The following CCDC170 variants were observed in gnomAD, a reference collection of about 807,000 sequenced individuals.
The protein encoded by CCDC170 is coiled-coil domain-containing protein 170.
Under a neutral mutation model 72.6 loss-of-function variants are expected in CCDC170, and 69 were observed. That is an observed-to-expected ratio of 0.95 (90% CI 0.78 to 1.16). The LOEUF (loss-of-function observed/expected upper bound fraction) is 1.16. CCDC170 is among the 50% of genes most tolerant of loss of function. The pLI, the probability that CCDC170 is intolerant of heterozygous loss-of-function variation, is 0.00. For missense variants in CCDC170, 852 were observed against 832.5 expected (o/e 1.02, Z -0.29); for synonymous variants, 300 against 303.9 (o/e 0.99, Z 0.13).
At chr6:151,545,786 C>A (rs1252879580) in intron 4 of CCDC170, among the ~76,000 whole-genome samples, 2 of 152,056 alleles carry the variant, frequency 1.3e-5, no homozygotes, top group African/African-American at 2.4e-5. Flanking sequence ...AGGCATGCAC[C>A]ACCATGTCTG....
At position 151,544,733 on chromosome 6, in the gene CCDC170, TA is replaced by T. The variant is rs778809218; in HGVS notation, c.588+22del. On this transcript the variant is annotated intron_variant, in intron 4 of 10. Transcript: ENST00000239374. Reference sequence around the variant, plus strand: ...ATTTTAAAGGTGTCTGTATGCAGATTAAAAAGTCTATAAATGTAGTGGTGAT... The same window carrying T: ...ATTTTAAAGGTGTCTGTATGCAGATTAAAAGTCTATAAATGTAGTGGTGAT... The T allele has an allele frequency of 1.8e-5, 28 of 1,596,074 alleles. No homozygotes were observed. The highest frequency in any genetic ancestry group is 2.3e-5 in the Non-Finnish European group (27 of 1,167,078).
chr6:151,506,454 A>T (rs1316482331), intron 1 of CCDC170, among the ~76,000 whole-genome samples: 2 of 152,258 alleles, frequency 1.3e-5, no homozygotes. Flanking sequence ...GCAGACTGAC[A>T]TTTACCTAAC....
At chr6:151,506,235 C>A (rs1782064748) in intron 1 of CCDC170, among the ~76,000 whole-genome samples, 1 of 152,146 alleles carries the variant, frequency 6.6e-6, no homozygotes. Context: ...AATGAATTGA[C>A]TTATTACGTG....
chr6:151,589,251 A>AAAAC lies in CCDC170; in HGVS notation c.1293+3188_1293+3191dup, dbSNP rs539350258. 6.2e-3 allele frequency among the ~76,000 whole-genome samples: 717 copies of AAAAC among 115,082 alleles called. 2 individuals are homozygous for AAAAC. Among genetic ancestry groups the AAAAC allele is most frequent in the African/African-American group, 0.01 (386 of 38,270 alleles). The allele number at this position is 115,082 out of a possible 152,430, so 75.5% of individuals were successfully genotyped here. On this transcript the variant is annotated intron_variant, in intron 7 of 10. Transcript: ENST00000239374. ...GCCTGGGTGACAGAGACTCCCTCTC[A>AAAAC]AAACAAACAAACAAACAAACAAACA...
intron 6 of CCDC170, 40 bp downstream of exon 6, chr6:151,573,531 G>A (rs917287990): frequency 1.9e-6 from 3 of 1,565,238 alleles, no homozygotes; most frequent in African/African-American, 2.7e-5. Context: ...CTTAAGAACA[G>A]TGAGCTCATT....
At chr6:151,591,099 AATATACACTT>A (rs1465673833) in intron 7 of CCDC170, among the ~76,000 whole-genome samples, 1 of 152,210 alleles carries the variant, frequency 6.6e-6, no homozygotes, top group African/African-American at 2.4e-5. Context: ...AAAATTGGAA[AATATACACTT>A]ATAAATAATT....
chr6:151,503,126 G>A (rs1277972836), intron 1 of CCDC170, among the ~76,000 whole-genome samples: 1 of 152,120 alleles, frequency 6.6e-6, no homozygotes, highest in Non-Finnish European at 1.5e-5. Flanking sequence ...GCAGTGAGCC[G>A]AGATCACGCC....
intron 1 of CCDC170, among the ~76,000 whole-genome samples, chr6:151,512,166 T>TG (rs1554219844): frequency 2.0e-5 from 3 of 149,464 alleles, no homozygotes; most frequent in African/African-American, 7.5e-5. Flanking sequence ...TTTTTTGTTT[T>TG]TTTTTTTTTT....
At chr6:151,553,665 A>G (rs1025706408) in intron 5 of CCDC170, among the ~76,000 whole-genome samples, 6 of 152,238 alleles carry the variant, frequency 3.9e-5, no homozygotes, top group Non-Finnish European at 5.9e-5. Context: ...GACTGATGCA[A>G]TGTTGTTCAG....
At chr6:151,554,847 C>T (rs926149270) in intron 5 of CCDC170, among the ~76,000 whole-genome samples, 2 of 148,586 alleles carry the variant, frequency 1.3e-5, no homozygotes, top group Non-Finnish European at 3.0e-5. Flanking sequence ...ATTGCAGGCA[C>T]GTAGCTTGAT....
chr6:151,523,039 G>C (rs1782347099), intron 1 of CCDC170, among the ~76,000 whole-genome samples: 1 of 152,182 alleles, frequency 6.6e-6, no homozygotes, highest in Non-Finnish European at 1.5e-5. Flanking sequence ...TCCAGTTACA[G>C]TAGAATTGTT....
intron 1 of CCDC170, among the ~76,000 whole-genome samples, chr6:151,495,086 G>A (rs532679027): frequency 4.6e-5 from 7 of 152,202 alleles, no homozygotes; most frequent in Admixed American, 1.3e-4. Flanking sequence ...AGATATCCCT[G>A]GGGGATGTAG....
At chr6:151,519,412 G>A (rs113833314) in intron 1 of CCDC170, among the ~76,000 whole-genome samples, 2,102 of 152,148 alleles carry the variant, frequency 0.014, 49 homozygotes, top group African/African-American at 0.048. Flanking sequence ...CCTGAAAATC[G>A]CTGTTATTCC....
chr6:151,548,588 C>T lies in CCDC170; in HGVS notation c.774+99C>T, dbSNP rs1337642646. On this transcript the variant is annotated intron_variant, in intron 5 of 10. Transcript: ENST00000239374. ...ATAAGTGCCCTAGAACTACTGATTA[C>T]GATTTTTTTTATTGATCACAATTTT... 7.6e-5 allele frequency: 76 copies of T among 1,006,576 alleles called. 2 individuals are homozygous for T. In the Middle Eastern group the frequency reaches 9.9e-4, roughly 13 times the overall value. 62.4% of individuals were successfully genotyped at this position (1,006,576 alleles called of 1,614,324 possible). A position where few individuals can be genotyped will look rare whatever the true frequency, so the allele number is the denominator to read the frequency against.
At chr6:151,506,141 G>A (rs1169171264) in intron 1 of CCDC170, among the ~76,000 whole-genome samples, 1 of 152,110 alleles carries the variant, frequency 6.6e-6, no homozygotes, top group Non-Finnish European at 1.5e-5. Flanking sequence ...CTATAGCTCT[G>A]GAAATCTTCC....
At chr6:151,512,832 G>C (rs886154657) in intron 1 of CCDC170, among the ~76,000 whole-genome samples, 2 of 152,170 alleles carry the variant, frequency 1.3e-5, no homozygotes, top group African/African-American at 4.8e-5. Context: ...TTACTACTAT[G>C]ATTATTCTTC....
chr6:151,502,236 G>A (rs555029783), intron 1 of CCDC170, among the ~76,000 whole-genome samples: 1 of 152,248 alleles, frequency 6.6e-6, no homozygotes, highest in South Asian at 2.1e-4. Context: ...TCACGCCACT[G>A]CACTCCAGGC....
chr6:151,587,259 G>A (rs1415974667), intron 7 of CCDC170, among the ~76,000 whole-genome samples: 1 of 152,116 alleles, frequency 6.6e-6, no homozygotes, highest in African/African-American at 2.4e-5. Flanking sequence ...TCTTTGAGAG[G>A]CAGTTTTGGT....
intron 6 of CCDC170, among the ~76,000 whole-genome samples, chr6:151,584,615 T>C (rs1338019969): frequency 6.6e-6 from 1 of 152,234 alleles, no homozygotes; most frequent in African/African-American, 2.4e-5. Flanking sequence ...TTTGCCTGTT[T>C]ATACTTTTTG....
Sources: allele counts gnomAD v4.1 joint callset (sites outside exome capture counted in the v4.1 genomes callset), GRCh38; gene constraint gnomAD v4.1.1; transcripts MANE v1.5; gene names NCBI Gene and HGNC (gene_info 2026-07-23, HGNC 2026-07-21).